TAFA1: variants seen among roughly 807,000 people sequenced by gnomAD.
The protein encoded by TAFA1 is chemokine-like protein TAFA-1.
In TAFA1, 4 loss-of-function variants were observed where a neutral mutation model predicts 18.5. The ratio of observed to expected loss-of-function variants is 0.22; its 90% CI spans 0.11 to 0.49. The LOEUF (loss-of-function observed/expected upper bound fraction) is 0.49. Among genes scored for constraint, TAFA1 ranks in the 20% least tolerant of loss-of-function variants. TAFA1 has a pLI of 0.98. For missense variants in TAFA1, 147 were observed against 169.0 expected, an observed-to-expected ratio of 0.87 and a Z score of 0.72; for synonymous variants, 56 against 55.2, an observed-to-expected ratio of 1.01 and a Z score of -0.06.
chr3:68,329,189 C>T (rs1026755308), intron 2 of TAFA1, among the ~76,000 whole-genome samples: 23 of 142,284 alleles, frequency 1.6e-4, no homozygotes, highest in African/African-American at 5.9e-4. Flanking sequence ...GCTGGGATTA[C>T]AGGTGTGCAC....
intron 2 of TAFA1, among the ~76,000 whole-genome samples, chr3:68,178,431 C>G (rs951006125): frequency 6.6e-6 from 1 of 152,068 alleles, no homozygotes; most frequent in African/African-American, 2.4e-5. Context: ...GTAAAATGAT[C>G]ATGATTTTTT....
chr3:68,327,570 T>C (rs1251971711), intron 2 of TAFA1, among the ~76,000 whole-genome samples: 1 of 152,158 alleles, frequency 6.6e-6, no homozygotes, highest in East Asian at 1.9e-4. Flanking sequence ...CTTTTATCAG[T>C]AAAATTGAGC....
At chr3:68,219,407 G>T (rs1323115353) in intron 2 of TAFA1, among the ~76,000 whole-genome samples, 1 of 152,136 alleles carries the variant, frequency 6.6e-6, no homozygotes, top group Non-Finnish European at 1.5e-5. Flanking sequence ...AAAAAGTCAT[G>T]TTTTAGCACT....
intron 2 of TAFA1, among the ~76,000 whole-genome samples, chr3:68,345,787 T>A (rs1350668035): frequency 6.6e-6 from 1 of 152,216 alleles, no homozygotes; most frequent in Non-Finnish European, 1.5e-5. Context: ...ACCAGAGGTA[T>A]CCCATTGAGA....
At chr3:68,231,239 G>T (rs1286276993) in intron 2 of TAFA1, among the ~76,000 whole-genome samples, 1 of 149,946 alleles carries the variant, frequency 6.7e-6, no homozygotes, top group Non-Finnish European at 1.5e-5. Flanking sequence ...GTAGAAAATT[G>T]AACAAATGAA....
intron 2 of TAFA1, among the ~76,000 whole-genome samples, chr3:68,380,685 G>T (rs1440503390): frequency 6.6e-6 from 1 of 152,040 alleles, no homozygotes; most frequent in Non-Finnish European, 1.5e-5. Flanking sequence ...TGTCAGATGA[G>T]TAGGCTGCAA....
chr3:68,324,805 G>A lies in TAFA1; in HGVS notation c.119-92475G>A, dbSNP rs116742450. ...ATTTTTATAAGTAGGTAGGACAAAC[G>A]AAGTGGAGCTAAAGCAGTAATTAGC... On this transcript the variant is annotated intron_variant, in intron 2 of 4. Coordinates refer to ENST00000478136, the MANE Select transcript of TAFA1 (RefSeq NM_213609.4). Among the ~76,000 whole-genome samples the A allele has an allele frequency of 8.1e-3, 1,229 of 152,274 alleles. 17 individuals are homozygous for A. Among genetic ancestry groups the A allele is most frequent in the African/African-American group, 0.029 (1,191 of 41,562 alleles).
At chr3:68,515,139 C>T (rs1044433165) in intron 3 of TAFA1, among the ~76,000 whole-genome samples, 6 of 152,110 alleles carry the variant, frequency 3.9e-5, no homozygotes, top group Admixed American at 6.5e-5. Flanking sequence ...TCTGCATGTG[C>T]ACTTCCCAGT....
intron 2 of TAFA1, among the ~76,000 whole-genome samples, chr3:68,010,472 C>T (rs1393773033): frequency 2.0e-5 from 3 of 152,118 alleles, no homozygotes; most frequent in African/African-American, 7.2e-5. Context: ...AACATGAAAT[C>T]GAGACCACGT....
chr3:68,106,327 A>G (rs973532572), intron 2 of TAFA1, among the ~76,000 whole-genome samples: 9 of 152,282 alleles, frequency 5.9e-5, no homozygotes, highest in Middle Eastern at 6.8e-3. Context: ...GGAAGTGATC[A>G]GCGGCTGTTC....
intron 2 of TAFA1, among the ~76,000 whole-genome samples, chr3:68,198,502 G>C (rs900252740): frequency 6.6e-6 from 1 of 151,666 alleles, no homozygotes; most frequent in Admixed American, 6.6e-5. Context: ...ATGGTTAAGA[G>C]TTCCTGTTGT....
chr3:68,007,613 C>G (rs1704381425), intron 2 of TAFA1, among the ~76,000 whole-genome samples: 1 of 151,648 alleles, frequency 6.6e-6, no homozygotes, highest in South Asian at 2.1e-4. Context: ...CACCTCCCTC[C>G]CTCCCCTCCC....
intron 2 of TAFA1, among the ~76,000 whole-genome samples, chr3:68,098,638 A>G (rs146795291): frequency 0.011 from 1,692 of 152,212 alleles, 40 homozygotes; most frequent in African/African-American, 0.039. Flanking sequence ...TATTCCAATG[A>G]AGGGTAGTAA....
At chr3:68,050,197 A>G (rs964751133) in intron 2 of TAFA1, among the ~76,000 whole-genome samples, 14 of 152,186 alleles carry the variant, frequency 9.2e-5, no homozygotes, top group South Asian at 2.1e-4. Flanking sequence ...GAGGAATTAC[A>G]GTAGGGAAGA....
chr3:68,076,675 T>C (rs2064829589), intron 2 of TAFA1, among the ~76,000 whole-genome samples: 1 of 152,288 alleles, frequency 6.6e-6, no homozygotes, highest in African/African-American at 2.4e-5. Context: ...CCATGGTGTA[T>C]ATGTGCCACA....
chr3:68,244,431 A>G (rs1002300731), intron 2 of TAFA1, among the ~76,000 whole-genome samples: 9 of 152,138 alleles, frequency 5.9e-5, no homozygotes, highest in Non-Finnish European at 1.2e-4. Flanking sequence ...TTTTCCTATA[A>G]GGTGTGAGAT....
At chr3:68,044,502 A>C (rs1057373412) in intron 2 of TAFA1, among the ~76,000 whole-genome samples, 2 of 151,698 alleles carry the variant, frequency 1.3e-5, no homozygotes, top group Admixed American at 1.3e-4. Context: ...CCCTGACTTC[A>C]CCTCCTGCTG....
chr3:68,350,933 A>G (rs1464624666), intron 2 of TAFA1, among the ~76,000 whole-genome samples: 2 of 152,116 alleles, frequency 1.3e-5, no homozygotes, highest in African/African-American at 2.4e-5. Flanking sequence ...AAGAATTCCT[A>G]TGCTGAAGCA....
intron 2 of TAFA1, among the ~76,000 whole-genome samples, chr3:68,187,587 C>A (rs1350279406): frequency 6.6e-6 from 1 of 151,976 alleles, no homozygotes; most frequent in East Asian, 1.9e-4. Flanking sequence ...TACTGGTTTT[C>A]AATTTGGGGC....
Sources: gnomAD v4.1 joint callset for allele counts (sites outside exome capture counted in the v4.1 genomes callset) on GRCh38, gnomAD v4.1.1 for gene constraint, MANE v1.5 for transcripts, NCBI Gene and HGNC (gene_info 2026-07-23, HGNC 2026-07-21) for gene names.